MAZ: variants seen among roughly 807,000 people sequenced by gnomAD.
The protein encoded by MAZ is MYC associated zinc finger protein.
In MAZ, 4 loss-of-function variants were observed where a neutral mutation model predicts 32.7. That is an observed-to-expected ratio of 0.12 (90% CI 0.06 to 0.28). The LOEUF (loss-of-function observed/expected upper bound fraction) is 0.28, where lower values mean the gene tolerates loss of function less well. Among genes scored for constraint, MAZ ranks in the 10% least tolerant of loss-of-function variants. The pLI, the probability that MAZ is intolerant of heterozygous loss-of-function variation, is 1.00. For missense variants in MAZ, 763 were observed against 667.2 expected, an observed-to-expected ratio of 1.14 and a Z score of -1.58; for synonymous variants, 510 against 297.6, an observed-to-expected ratio of 1.71 and a Z score of -7.35.
intron 2 of MAZ, 186 bp from the exon 3 acceptor site, chr16:29,808,044 T>G (rs1596872336): frequency 9.5e-7 from 1 of 1,054,116 alleles, no homozygotes; most frequent in Non-Finnish European, 1.4e-6. Context: ...AAGCTTCGCG[T>G]GGGAGGAGGC....
At chr16:29,808,380 TCTCTCTCTTC>T in intron 3 of MAZ, 87 bp downstream of exon 3, 1 of 1,362,328 alleles carries the variant, frequency 7.3e-7, no homozygotes, top group South Asian at 1.2e-5. Context: ...ACCCCCTTTT[TCTCTCTCTTC>T]TTTTTGCCTT....
chr16:29,809,530 C>T, intron 4 of MAZ: 3 of 1,590,920 alleles, frequency 1.9e-6, no homozygotes, highest in Non-Finnish European at 2.6e-6. Context: ...CCCAATCCAC[C>T]CCCCAATAGG....
chr16:29,807,679 G>C lies in MAZ; in HGVS notation c.894G>C (p.Lys298Asn). ...FRDVYHLNRH[K>N]LSHSDEKPYQ... ...ACGTCTACCACCTGAACCGACACAA[G>C]CTGTCGCACTCGGACGAGAAGCCCT... Residue 298 changes from lysine to asparagine, a missense_variant, in exon 2 of 5, where the codon AAG (lysine) becomes AAC (asparagine). By Grantham distance (94) the Lys-to-Asn change is moderately conservative (BLOSUM62 0). Transcript: ENST00000322945. 1 of 1,612,964 alleles carries C rather than the reference G, an allele frequency of 6.2e-7. No individual in the cohort carries two copies. Among genetic ancestry groups the C allele is most frequent in the Non-Finnish European group, 8.5e-7 (1 of 1,179,972 alleles).
chr16:29,809,472 A>C, intron 4 of MAZ: 12 of 935,250 alleles, frequency 1.3e-5, no homozygotes, highest in Non-Finnish European at 2.1e-5. Context: ...CCCGCCTAGG[A>C]GATCAGCCCC....
chr16:29,809,080 C>A (rs1271489150), intron 4 of MAZ: 1 of 524,326 alleles, frequency 1.9e-6, no homozygotes, highest in Non-Finnish European at 3.3e-6. Context: ...AAGGTCTTGT[C>A]TCCAGCTCCT....
At position 29,808,755 on chromosome 16, in the gene MAZ, G is replaced by T. The variant is rs752957395; in HGVS notation, c.1279+14G>T. 3 of 1,612,002 alleles carry T rather than the reference G, an allele frequency of 1.9e-6. No homozygotes were observed. The highest frequency in any genetic ancestry group is 3.3e-5 in the Admixed American group (2 of 59,854). ...TCTGCAACAAAGGTACATGCCGAGG[G>T]CTGCCGGGAGGGCCAGGGGCAGAGG... On this transcript the variant is annotated intron_variant, in intron 4 of 4. Transcript: ENST00000322945.
Position 29,806,843 on chromosome 16 carries a change from C to G in MAZ, c.142C>G (p.Leu48Val), listed in dbSNP as rs746668933. Reference sequence around the variant, plus strand: ...GAACCCCCTGCAGGTCGGGGCTGAGCTCCAGTCCCGCTTCTTTGCCTCCCA... The same window carrying G: ...GAACCCCCTGCAGGTCGGGGCTGAGGTCCAGTCCCGCTTCTTTGCCTCCCA... The part of the protein sequence containing the change: ...AQNPLQVGAE[L>V]QSRFFASQGC... Residue 48 changes from leucine (L) to valine (V), a missense_variant, in exon 1 of 5, where the codon CTC (leucine) becomes GTC (valine). Physicochemically the swap from Leu to Val is conservative, Grantham distance 32 (BLOSUM62 1). Coordinates refer to ENST00000322945, the MANE Select transcript of MAZ (RefSeq NM_002383.4). 6.9e-7 allele frequency: 1 copy of G among 1,455,860 alleles called. No individual in the cohort carries two copies. Among genetic ancestry groups the G allele is most frequent in the Non-Finnish European group, 9.1e-7 (1 of 1,097,380 alleles). 90.2% of individuals were successfully genotyped at this position (1,455,860 alleles called of 1,614,324 possible). A position where few individuals can be genotyped will look rare whatever the true frequency, so the allele number is the denominator to read the frequency against.
At chr16:29,810,043 T>C in intron 4 of MAZ, 34 bp from the exon 5 acceptor site, 1 of 1,584,788 alleles carries the variant, frequency 6.3e-7, no homozygotes, top group Non-Finnish European at 8.6e-7. Context: ...GCCATTCAGA[T>C]CGCGCTGTGA....
Position 29,808,632 on chromosome 16 carries a change from G to C in MAZ, c.1170G>C (p.Glu390Asp). 6.2e-7 allele frequency: 1 copy of C among 1,613,782 alleles called. No homozygotes were observed. The highest frequency in any genetic ancestry group is 1.1e-5 in the South Asian group (1 of 91,070). ...RLRAHTVRHE[E>D]KVPCHVCGKM... ...GGGCGCACACAGTACGACACGAGGA[G>C]AAAGTGCCATGTCACGTGTGTGGCA... The change falls in exon 4 of 5, where the codon GAG becomes GAC. Residue 390 changes from glutamate to aspartate, a missense_variant. Transcript: ENST00000322945.
intron 4 of MAZ, chr16:29,809,635 G>T (rs1244738882): frequency 6.2e-7 from 1 of 1,606,862 alleles, no homozygotes; most frequent in Non-Finnish European, 8.5e-7. Context: ...GCTGTGCAGC[G>T]TGCACTGCAA....
At chr16:29,809,069 C>T in intron 4 of MAZ, 1 of 530,716 alleles carries the variant, frequency 1.9e-6, no homozygotes, top group Admixed American at 3.6e-5. Context: ...TGCGCAGCCA[C>T]AAGGTCTTGT....
Position 29,810,292 on chromosome 16 carries a change from T to C in MAZ, c.*61T>C, listed in dbSNP as rs1040243716. ...AGTAGAGTCCCTTGGTACAAGCTCCTCTCCCCCCTCTTTTCCCACCAACTC... is the reference window on the plus strand; with the variant it reads ...AGTAGAGTCCCTTGGTACAAGCTCCCCTCCCCCCTCTTTTCCCACCAACTC... On this transcript the variant is annotated 3_prime_UTR_variant, in exon 5 of 5. Transcript: ENST00000322945. 5 of 1,482,204 alleles carry C rather than the reference T, an allele frequency of 3.4e-6. No homozygotes were observed. Among genetic ancestry groups the C allele is most frequent in the Non-Finnish European group, 4.6e-6 (5 of 1,086,708 alleles). 91.8% of individuals were successfully genotyped at this position (1,482,204 alleles called of 1,614,324 possible).
chr16:29,810,998 C>A lies in MAZ; in HGVS notation c.*767C>A. The A allele has an allele frequency of 2.2e-6, 1 of 447,516 alleles. No individual in the cohort carries two copies. Among genetic ancestry groups the A allele is most frequent in the Non-Finnish European group, 4.5e-6 (1 of 222,514 alleles). 27.7% of individuals were successfully genotyped at this position (447,516 alleles called of 1,614,324 possible). A position where few individuals can be genotyped will look rare whatever the true frequency, so the allele number is the denominator to read the frequency against. The stretch of plus-strand genomic sequence containing the variant: ...CAGCCAGTGTCCCCCTCCCCTCTTC[C>A]ACCCCAGCTCCAGCCCTGGTCTTGT... On this transcript the variant is annotated 3_prime_UTR_variant, in exon 5 of 5. Transcript: ENST00000322945.
At chr16:29,808,163 G>C in intron 2 of MAZ, 67 bp from the exon 3 acceptor site, 1 of 1,381,704 alleles carries the variant, frequency 7.2e-7, no homozygotes, top group Non-Finnish European at 1.0e-6. Context: ...GGAAAGGCCT[G>C]TGGTGCGGTT....
chr16:29,807,679 G>A lies in MAZ; in HGVS notation c.894G>A (p.Lys298=), dbSNP rs536090859. Residue 298 remains lysine, a synonymous_variant, in exon 2 of 5, where the codon AAG becomes AAA. Coordinates refer to ENST00000322945, the MANE Select transcript of MAZ (RefSeq NM_002383.4). ...ACGTCTACCACCTGAACCGACACAAGCTGTCGCACTCGGACGAGAAGCCCT... is the reference window on the plus strand; with the variant it reads ...ACGTCTACCACCTGAACCGACACAAACTGTCGCACTCGGACGAGAAGCCCT... ...FRDVYHLNRH[K]LSHSDEKPYQ... 8 of 1,612,964 alleles carry A rather than the reference G, an allele frequency of 5.0e-6. No homozygotes were observed. The highest frequency in any genetic ancestry group is 2.2e-5 in the East Asian group (1 of 44,872).
At chr16:29,808,069 C>G (rs1250445170) in intron 2 of MAZ, 161 bp from the exon 3 acceptor site, 2 of 976,126 alleles carry the variant, frequency 2.0e-6, no homozygotes, top group East Asian at 5.2e-5. Flanking sequence ...GCGGCGGCAG[C>G]GGCTGCTGGG....
chr16:29,808,058 G>C (rs535585288), intron 2 of MAZ, 172 bp from the exon 3 acceptor site: 48 of 1,004,198 alleles, frequency 4.8e-5, no homozygotes, highest in Non-Finnish European at 6.7e-5. Flanking sequence ...AGGAGGCGGC[G>C]GCGGCGGCAG....
chr16:29,807,425 G>A lies in MAZ; in HGVS notation c.640G>A (p.Gly214Arg). ...CCGGAGGCACGAAGCCATCCACACG[G>A]GAGCCAAGGCCGGCCGGGTCCCCTC... is the stretch of plus-strand genomic sequence containing the variant. Reference protein sequence around the residue: ...NLRRHEAIHTGAKAGRVPSGA... With the variant: ...NLRRHEAIHTRAKAGRVPSGA... The change falls in exon 2 of 5, where the codon GGA (glycine) becomes AGA (arginine). Residue 214 changes from glycine (G) to arginine (R), a missense_variant. By Grantham distance (125) the Gly-to-Arg change is moderately radical. Coordinates refer to ENST00000322945, the MANE Select transcript of MAZ (RefSeq NM_002383.4). 6.2e-7 allele frequency: 1 copy of A among 1,612,444 alleles called. No homozygotes were observed. The highest frequency in any genetic ancestry group is 8.5e-7 in the Non-Finnish European group (1 of 1,179,742).
chr16:29,807,247 C>T lies in MAZ; in HGVS notation c.462C>T (p.Ala154=), dbSNP rs1899558531. ...AAEAAPPASA[A]TIAAAAATAV... ...AGGCCGCGCCCCCCGCCTCCGCCGCCACTATCGCCGCGGCGGCGGCCACCG... is the reference window on the plus strand; with the variant it reads ...AGGCCGCGCCCCCCGCCTCCGCCGCTACTATCGCCGCGGCGGCGGCCACCG... Residue 154 remains alanine, a synonymous_variant, in exon 2 of 5, where the codon GCC becomes GCT. Coordinates refer to ENST00000322945, the MANE Select transcript of MAZ (RefSeq NM_002383.4). 1 of 1,423,410 alleles carries T rather than the reference C, an allele frequency of 7.0e-7. No homozygotes were observed. The highest frequency in any genetic ancestry group is 1.5e-5 in the African/African-American group (1 of 67,090). 88.2% of individuals were successfully genotyped at this position (1,423,410 alleles called of 1,614,324 possible). A position where few individuals can be genotyped will look rare whatever the true frequency, so the allele number is the denominator to read the frequency against.
Sources: allele counts gnomAD v4.1 joint callset, GRCh38; gene constraint gnomAD v4.1.1; transcripts MANE v1.5; gene names NCBI Gene and HGNC (gene_info 2026-07-23, HGNC 2026-07-21).